Variants in DCLK2 observed in about 807,000 individuals in gnomAD.
DCLK2 encodes doublecortin like kinase 2, also known as serine/threonine-protein kinase DCLK2.
DCLK2 carries 31 observed loss-of-function variants against 78.4 expected under a neutral mutation model. The ratio of observed to expected loss-of-function variants is 0.40; its 90% confidence interval spans 0.30 to 0.53. The LOEUF is 0.53. DCLK2 is among the 20% of genes least tolerant of loss of function. The pLI, the probability that DCLK2 is intolerant of heterozygous loss-of-function variation, is 0.61. For missense variants in DCLK2, 872 were observed against 973.7 expected (o/e 0.90, Z 1.39); for synonymous variants, 407 against 374.9 (o/e 1.09, Z -0.99).
At chr4:150,159,401 T>C (rs1467766105) in intron 2 of DCLK2, among the ~76,000 whole-genome samples, 1 of 152,250 alleles carries the variant, frequency 6.6e-6, no homozygotes, top group Non-Finnish European at 1.5e-5. Context: ...GTGGCTTCTC[T>C]TGTCACTTCT....
intron 10 of DCLK2, among the ~76,000 whole-genome samples, chr4:150,235,582 T>TATGTG (rs1300573272): frequency 6.6e-6 from 1 of 152,108 alleles, no homozygotes; most frequent in African/African-American, 2.4e-5. Flanking sequence ...AAGAGGCGAA[T>TATGTG]ATGTGATGTA....
intron 1 of DCLK2, among the ~76,000 whole-genome samples, chr4:150,086,228 A>G (rs1729627171): frequency 6.6e-6 from 1 of 152,096 alleles, no homozygotes; most frequent in South Asian, 2.1e-4. Context: ...AAGATGTTTT[A>G]ATAGTTGGGT....
At chr4:150,125,618 G>A (rs1732868539) in intron 2 of DCLK2, among the ~76,000 whole-genome samples, 2 of 152,032 alleles carry the variant, frequency 1.3e-5, no homozygotes, top group East Asian at 1.9e-4. Flanking sequence ...GGCCAGGCGC[G>A]GTGGCTCACT....
rs74596561 is a variant in DCLK2 at position 150,215,231 on chromosome 4, C to T, written c.1057-5472C>T. ...GTGACCAAATGTGGGGGATGAGTTTCGTTCCACCACCAAGTGAACAATCAG... is the reference window on the plus strand; with the variant it reads ...GTGACCAAATGTGGGGGATGAGTTTTGTTCCACCACCAAGTGAACAATCAG... On this transcript the variant is annotated intron_variant, in intron 5 of 15. Transcript: ENST00000296550. 3.7e-4 allele frequency among the ~76,000 whole-genome samples: 56 copies of T among 152,228 alleles called. 1 individual carries two copies. The East Asian group carries it at 9.3e-3, about 25-fold the overall frequency.
At chr4:150,083,802 G>C (rs1196022529) in intron 1 of DCLK2, among the ~76,000 whole-genome samples, 4 of 152,246 alleles carry the variant, frequency 2.6e-5, no homozygotes, top group South Asian at 4.1e-4. Flanking sequence ...TGAAACCCCT[G>C]GATTCTTCAA....
intron 1 of DCLK2, among the ~76,000 whole-genome samples, chr4:150,086,048 C>T (rs1304404162): frequency 6.6e-6 from 1 of 152,110 alleles, no homozygotes; most frequent in African/African-American, 2.4e-5. Flanking sequence ...CTTAAAACAC[C>T]TCAGTAACAT....
rs750215326 is a variant in DCLK2, at chr4:150,249,627, C to G, written c.2016C>G (p.His672Gln). ...AGGTGACAGGTAAACTAAAACAGCA[C>G]TTTAATAATGCGCTCCCCAAACAGA... ...QAEVTGKLKQ[H>Q]FNNALPKQNS... Residue 672 changes from histidine to glutamine, a missense_variant, in exon 15 of 16, where the codon CAC becomes CAG. This residue lies in a region of DCLK2 where 219 missense variants were observed against 230.1 expected (regional missense o/e 0.95). Coordinates refer to ENST00000296550, the MANE Select transcript of DCLK2 (RefSeq NM_001040260.4). 6.2e-7 allele frequency: 1 copy of G among 1,613,788 alleles called. No individual in the cohort carries two copies. The highest frequency in any genetic ancestry group is 8.5e-7 in the Non-Finnish European group (1 of 1,179,988).
At chr4:150,090,290 C>G (rs1477461607) in intron 1 of DCLK2, among the ~76,000 whole-genome samples, 1 of 152,202 alleles carries the variant, frequency 6.6e-6, no homozygotes, top group Non-Finnish European at 1.5e-5. Context: ...ACTGTAATCC[C>G]AGCTACTCGG....
chr4:150,166,042 C>T (rs1028267145), intron 2 of DCLK2, among the ~76,000 whole-genome samples: 2 of 152,132 alleles, frequency 1.3e-5, no homozygotes, highest in African/African-American at 2.4e-5. Flanking sequence ...CTTCCAGAAC[C>T]GTGAGAAATA....
At chr4:150,103,235 C>G (rs57706145) in intron 2 of DCLK2, among the ~76,000 whole-genome samples, 8 of 152,150 alleles carry the variant, frequency 5.3e-5, no homozygotes, top group Non-Finnish European at 2.9e-5. Flanking sequence ...AAAACCTTTT[C>G]TTCCCCACTT....
chr4:150,195,153 ATATAATATTATATATTAT>A (rs1422973090), intron 3 of DCLK2, among the ~76,000 whole-genome samples: 8 of 53,904 alleles, frequency 1.5e-4, no homozygotes, highest in South Asian at 9.8e-4. Context: ...TATATATTAT[ATATAATATTATATATTAT>A]ATACAATATT....
chr4:150,089,777 C>T (rs1729916009), intron 1 of DCLK2, among the ~76,000 whole-genome samples: 1 of 152,144 alleles, frequency 6.6e-6, no homozygotes, highest in Non-Finnish European at 1.5e-5. Context: ...TGCAAAATAG[C>T]AATATAAAGC....
chr4:150,205,922 G>A (rs1300899308), intron 5 of DCLK2, among the ~76,000 whole-genome samples: 1 of 152,172 alleles, frequency 6.6e-6, no homozygotes, highest in Non-Finnish European at 1.5e-5. Context: ...ACCTAGGACC[G>A]CTTTGGGGGA....
intron 2 of DCLK2, among the ~76,000 whole-genome samples, chr4:150,134,287 G>T (rs146640668): frequency 0.07 from 10,605 of 151,914 alleles, 443 homozygotes; most frequent in South Asian, 0.1. Context: ...TCACCATGTT[G>T]GTCAGGCTGC....
At chr4:150,224,420 TA>T in intron 7 of DCLK2, 80 bp from the exon 8 acceptor site, 1 of 1,340,754 alleles carries the variant, frequency 7.5e-7, no homozygotes. Context: ...AAAAAAAAAT[TA>T]AAGTATAAAA....
chr4:150,165,553 T>C (rs1736001199), intron 2 of DCLK2, among the ~76,000 whole-genome samples: 1 of 152,258 alleles, frequency 6.6e-6, no homozygotes, highest in African/African-American at 2.4e-5. Flanking sequence ...ATAAACATTT[T>C]ATGGTTGGAA....
intron 2 of DCLK2, among the ~76,000 whole-genome samples, chr4:150,103,467 T>C (rs1223397229): frequency 6.6e-6 from 1 of 152,224 alleles, no homozygotes; most frequent in Non-Finnish European, 1.5e-5. Context: ...AGGTAAGTGT[T>C]GAATTTTGCT....
chr4:150,079,024 C>G lies in DCLK2; in HGVS notation c.-4C>G. 1.3e-6 allele frequency: 2 copies of G among 1,526,158 alleles called. No individual in the cohort carries two copies. The highest frequency in any genetic ancestry group is 1.3e-5 in the South Asian group (1 of 75,686). The allele number at this position is 1,526,158 out of a possible 1,614,324, so 94.5% of individuals were successfully genotyped here. A position where few individuals can be genotyped will look rare whatever the true frequency, so the allele number is the denominator to read the frequency against. ...TTTTTGCGGACGCCCTCGGAGCAGC[C>G]GCGATGGCCAGCACCAGGAGTATCG... On this transcript the variant is annotated 5_prime_UTR_variant, in exon 1 of 16. Coordinates refer to ENST00000296550, the MANE Select transcript of DCLK2 (RefSeq NM_001040260.4).
intron 1 of DCLK2, among the ~76,000 whole-genome samples, chr4:150,101,755 G>A (rs1283992242): frequency 1.3e-5 from 2 of 152,028 alleles, no homozygotes; most frequent in Non-Finnish European, 2.9e-5. Flanking sequence ...TAAGCAGAAG[G>A]TTTCATGAGT....
Sources: allele counts gnomAD v4.1 joint callset (sites outside exome capture counted in the v4.1 genomes callset), GRCh38; gene constraint gnomAD v4.1.1; regional missense constraint gnomAD v4.1.1; transcripts MANE v1.5; gene names NCBI Gene and HGNC (gene_info 2026-07-23, HGNC 2026-07-21).